Variants in DNAH8 observed in about 807,000 individuals in gnomAD.
The protein encoded by DNAH8 is dynein axonemal heavy chain 8, also known as axonemal beta dynein heavy chain 8.
A neutral mutation model predicts 562.1 loss-of-function variants in DNAH8; 382 were observed. The observed-to-expected ratio is 0.68, with a 90% CI of 0.63 to 0.74. The LOEUF is 0.74. Among genes scored for constraint, DNAH8 ranks in the 30% least tolerant of loss-of-function variants. DNAH8 has a pLI of 0.00. For missense variants in DNAH8, 5,203 were observed against 5,620.4 expected (o/e 0.93, Z 2.37); for synonymous variants, 1,881 against 1,919.4 (o/e 0.98, Z 0.52).
At chr6:38,743,387 T>C (rs944475049) in intron 8 of DNAH8, among the ~76,000 whole-genome samples, 2 of 152,186 alleles carry the variant, frequency 1.3e-5, no homozygotes, top group Non-Finnish European at 2.9e-5. Flanking sequence ...TTTGCAAGTC[T>C]GAGTTATAAT....
At chr6:38,783,632 C>T (rs978792443) in intron 17 of DNAH8, among the ~76,000 whole-genome samples, 2 of 152,086 alleles carry the variant, frequency 1.3e-5, no homozygotes, top group African/African-American at 4.8e-5. Context: ...ACTGTGTCTG[C>T]GTGCCTCTGA....
intron 52 of DNAH8, among the ~76,000 whole-genome samples, chr6:38,874,651 G>C (rs1453989142): frequency 6.6e-6 from 1 of 151,774 alleles, no homozygotes; most frequent in Admixed American, 6.6e-5. Context: ...TTGCAGGCAT[G>C]AGCCACCATG....
intron 24 of DNAH8, 124 bp from the exon 25 acceptor site, chr6:38,813,930 T>C: frequency 1.3e-6 from 1 of 743,606 alleles, no homozygotes; most frequent in Non-Finnish European, 2.4e-6. Context: ...TAAGTAATAT[T>C]CTCTTTGTGT....
chr6:38,838,843 T>G (rs186202637), intron 33 of DNAH8, among the ~76,000 whole-genome samples: 1 of 152,356 alleles, frequency 6.6e-6, no homozygotes, highest in East Asian at 1.9e-4. Context: ...TTTAGAATAT[T>G]CTTAAAGAAT....
intron 8 of DNAH8, among the ~76,000 whole-genome samples, chr6:38,749,934 G>A (rs1562643104): frequency 6.6e-6 from 1 of 152,224 alleles, no homozygotes; most frequent in Non-Finnish European, 1.5e-5. Flanking sequence ...CCGGGTTCAT[G>A]CCATTCTCCT....
intron 33 of DNAH8, among the ~76,000 whole-genome samples, chr6:38,840,096 G>A (rs1020918912): frequency 2.0e-5 from 3 of 152,118 alleles, no homozygotes; most frequent in Admixed American, 6.5e-5. Flanking sequence ...ACTCCTCATC[G>A]GCTGTCATGT....
At chr6:38,810,176 ATTCAT>A (rs1283295238) in intron 24 of DNAH8, among the ~76,000 whole-genome samples, 1 of 152,038 alleles carries the variant, frequency 6.6e-6, no homozygotes, top group Non-Finnish European at 1.5e-5. Flanking sequence ...TTTTTCTTTG[ATTCAT>A]TTCATTATGA....
chr6:38,831,923 C>A (rs926330560), intron 30 of DNAH8, among the ~76,000 whole-genome samples: 1 of 151,448 alleles, frequency 6.6e-6, no homozygotes, highest in African/African-American at 2.4e-5. Context: ...TTTTTAATAC[C>A]TAGAGTAATA....
chr6:38,939,015 T>G, intron 79 of DNAH8, 27 bp downstream of exon 79: 1 of 1,582,548 alleles, frequency 6.3e-7, no homozygotes, highest in Non-Finnish European at 8.6e-7. Flanking sequence ...ACAGATGTGG[T>G]GTGTGGAGGA....
At position 38,891,081 on chromosome 6, in the gene DNAH8, C is replaced by T. The variant is rs1054384591; in HGVS notation, c.8583+320C>T. The stretch of plus-strand genomic sequence containing the variant: ...AAATCTTTATTTGTATTATCTGTCT[C>T]CTTCTACCAAACTATGTCAGACACT... On this transcript the variant is annotated intron_variant, in intron 58 of 92. Transcript: ENST00000327475. Among the ~76,000 whole-genome samples the T allele has an allele frequency of 2.0e-5, 3 of 152,194 alleles. No homozygotes were observed. The East Asian group carries it at 5.8e-4, about 29-fold the overall frequency.
Position 38,815,488 on chromosome 6 carries a change from T to C in DNAH8, c.3354T>C (p.Asp1118=). 1 of 1,613,612 alleles carries C rather than the reference T, an allele frequency of 6.2e-7. No homozygotes were observed. The highest frequency in any genetic ancestry group is 8.5e-7 in the Non-Finnish European group (1 of 1,179,628). ...IPNVVMIPSL[D]DIQQAINRMI... ...CACAGGTGATGATTCCTAGTTTGGA[T>C]GACATTCAACAAGCCATTAACCGTA... The change falls in exon 26 of 93, where the codon GAT becomes GAC. Residue 1118 remains aspartate, a synonymous_variant. Coordinates refer to ENST00000327475, the MANE Select transcript of DNAH8 (RefSeq NM_001206927.2).
Position 38,734,474 on chromosome 6 carries a change from A to T in DNAH8, c.611A>T (p.Glu204Val). ...CTAAGTTCTTGACTTTTGTTTTCAG[A>T]ATGTGGTCGAACTATTGCTGGAGCA... The part of the protein sequence containing the change: ...LYQEGDVPGI[E>V]CGRTIAGATK... Residue 204 changes from glutamate (E) to valine (V), a missense_variant and splice_region_variant, in exon 5 of 93, where the codon GAA becomes GTA. Physicochemically the swap from Glu to Val is moderately radical, Grantham distance 121. Transcript: ENST00000327475. 6.2e-7 allele frequency: 1 copy of T among 1,613,584 alleles called. No individual in the cohort carries two copies. The highest frequency in any genetic ancestry group is 8.5e-7 in the Non-Finnish European group (1 of 1,179,882).
At chr6:38,858,467 A>G (rs1776368370) in intron 42 of DNAH8, among the ~76,000 whole-genome samples, 1 of 152,136 alleles carries the variant, frequency 6.6e-6, no homozygotes. Context: ...GTATTTATTG[A>G]AGATTATTTG....
chr6:39,028,664 C>G (rs116131117), intron 92 of DNAH8, among the ~76,000 whole-genome samples: 238 of 152,322 alleles, frequency 1.6e-3, no homozygotes, highest in African/African-American at 5.4e-3. Context: ...ACTATTCTAT[C>G]TACCACACCT....
Position 38,857,524 on chromosome 6 carries a change from C to A in DNAH8, c.5740C>A (p.Leu1914Ile). ...FLSHFPAQVG[L>I]LGIQMLWTHD... ...TTTTCTGCTGGATCTGTAGGTTGGA[C>A]TTCTGGGAATTCAGATGTTGTGGAC... Residue 1914 changes from leucine to isoleucine, a missense_variant, in exon 42 of 93, where the codon CTT becomes ATT. By Grantham distance (5) the Leu-to-Ile change is conservative (BLOSUM62 2). Transcript: ENST00000327475. The A allele has an allele frequency of 1.2e-6, 2 of 1,607,492 alleles. No homozygotes were observed. The highest frequency in any genetic ancestry group is 1.7e-6 in the Non-Finnish European group (2 of 1,175,954).
chr6:38,926,250 C>A (rs544009001), intron 74 of DNAH8, 40 bp downstream of exon 74: 6 of 1,590,902 alleles, frequency 3.8e-6, no homozygotes, highest in East Asian at 2.2e-5. Context: ...ATCTTGAAAT[C>A]ATGAAACTCT....
rs1554123984 is a variant in DNAH8 at position 38,873,753 on chromosome 6, C to CACACACACACAT, written c.7620+388_7620+389insTACACACACACA. 6.0e-3 allele frequency among the ~76,000 whole-genome samples: 600 copies of CACACACACACAT among 99,200 alleles called. 5 individuals carry two copies. Among genetic ancestry groups the CACACACACACAT allele is most frequent in the Admixed American group, 0.013 (102 of 8,152 alleles). The allele number at this position is 99,200 out of a possible 152,430, so 65.1% of individuals were successfully genotyped here. On this transcript the variant is annotated intron_variant, in intron 52 of 92. Transcript: ENST00000327475. ...ACACACACACACACACACACACACACACACACACACACACACCCCTGCACT... is the reference window on the plus strand; with the variant it reads ...ACACACACACACACACACACACACACACACACACACATACACACACACACACACCCCTGCACT...
At chr6:38,960,540 A>G (rs928807678) in intron 82 of DNAH8, among the ~76,000 whole-genome samples, 3 of 152,072 alleles carry the variant, frequency 2.0e-5, no homozygotes, top group Non-Finnish European at 4.4e-5. Context: ...ATAATTGGTC[A>G]TCAGAGAAAT....
At chr6:38,977,443 C>A (rs1340937144) in intron 85 of DNAH8, among the ~76,000 whole-genome samples, 2 of 152,108 alleles carry the variant, frequency 1.3e-5, no homozygotes, top group Non-Finnish European at 2.9e-5. Context: ...CTTATGGGAG[C>A]CTTTTATTCC....
Sources: gnomAD v4.1 joint callset for allele counts (sites outside exome capture counted in the v4.1 genomes callset) on GRCh38, gnomAD v4.1.1 for gene constraint, MANE v1.5 for transcripts, NCBI Gene and HGNC (gene_info 2026-07-23, HGNC 2026-07-21) for gene names.